ABR: variants seen among roughly 807,000 people sequenced by gnomAD.
ABR encodes the protein ABR activator of RhoGEF and GTPase.
ABR carries 35 observed loss-of-function variants against 107.2 expected under a neutral mutation model. The observed-to-expected ratio is 0.33, with a 90% CI of 0.25 to 0.43. The LOEUF is 0.43. Ranked by LOEUF, ABR falls within the 20% of genes least tolerant of loss-of-function variation. The pLI, the probability that ABR is intolerant of heterozygous loss-of-function variation, is 1.00. For missense variants in ABR, 815 were observed against 1,115.2 expected (o/e 0.73, Z 3.83); for synonymous variants, 498 against 462.0 (o/e 1.08, Z -1.00).
At chr17:1,118,042 A>G (rs2039119172) in intron 2 of ABR, among the ~76,000 whole-genome samples, 1 of 41,556 alleles carries the variant, frequency 2.4e-5, no homozygotes, top group Non-Finnish European at 5.1e-5. Flanking sequence ...GCTGAGCCTG[A>G]GTTCCTCCCA....
intron 10 of ABR, among the ~76,000 whole-genome samples, chr17:1,062,992 T>C: frequency 6.9e-6 from 1 of 144,458 alleles, no homozygotes; most frequent in East Asian, 2.0e-4. Flanking sequence ...TGCATGTTCC[T>C]CTAGACACTG....
At chr17:1,113,792 G>C (rs1427986975) in intron 2 of ABR, among the ~76,000 whole-genome samples, 2 of 152,178 alleles carry the variant, frequency 1.3e-5, no homozygotes, top group Non-Finnish European at 2.9e-5. Context: ...TAAAGAAAGA[G>C]AAAGTCTCCT....
intron 6 of ABR, 75 bp from the exon 7 acceptor site, chr17:1,073,752 G>A (rs910107000): frequency 5.9e-6 from 8 of 1,360,420 alleles, no homozygotes; most frequent in African/African-American, 2.9e-5. Context: ...GACCAGCTTC[G>A]TCCCCCCACC....
At chr17:1,193,055 AAAAAC>A (rs370968230) in intron 1 of ABR, among the ~76,000 whole-genome samples, 1 of 152,324 alleles carries the variant, frequency 6.6e-6, no homozygotes, top group African/African-American at 2.4e-5. Flanking sequence ...TCTCAAAACA[AAAAAC>A]AAAACAAAAC....
At chr17:1,109,008 A>T (rs1487326517) in intron 2 of ABR, 1 of 1,598,104 alleles carries the variant, frequency 6.3e-7, no homozygotes, top group East Asian at 2.3e-5. Context: ...TCCAGGAGAA[A>T]CACATCTTCG....
intron 1 of ABR, among the ~76,000 whole-genome samples, chr17:1,176,186 C>CAG (rs140627092): frequency 0.06 from 9,168 of 152,200 alleles, 407 homozygotes; most frequent in East Asian, 0.24. Flanking sequence ...TGGGTTCAGA[C>CAG]AGCCTCAGCT....
At chr17:1,171,879 G>A (rs1473955699) in intron 1 of ABR, among the ~76,000 whole-genome samples, 7 of 152,126 alleles carry the variant, frequency 4.6e-5, no homozygotes, top group East Asian at 3.9e-4. Context: ...GCAGTGAGCC[G>A]AGATCGCACC....
chr17:1,192,175 CTA>C (rs2042450372), upstream of ABR, among the ~76,000 whole-genome samples: 1 of 149,486 alleles, frequency 6.7e-6, no homozygotes, highest in Non-Finnish European at 1.5e-5. Context: ...CAGAGTCTCA[CTA>C]TGTTACCCAG....
chr17:1,019,846 G>T (rs1184497868), intron 16 of ABR, among the ~76,000 whole-genome samples: 1 of 152,232 alleles, frequency 6.6e-6, no homozygotes, highest in Non-Finnish European at 1.5e-5. Flanking sequence ...ATGGGCCCAG[G>T]GGAGCAGGTA....
chr17:1,182,312 G>A (rs1008999945), upstream of ABR: 8 of 152,184 alleles, frequency 5.3e-5, no homozygotes, highest in African/African-American at 1.9e-4. Context: ...CACTCAGAGG[G>A]TAAGTGAGGG....
chr17:1,048,632 C>G (rs1205833972), intron 16 of ABR, among the ~76,000 whole-genome samples: 1 of 127,488 alleles, frequency 7.8e-6, no homozygotes, highest in Non-Finnish European at 1.7e-5. Flanking sequence ...GCGCCTGGAT[C>G]ACGTCCGGGG....
chr17:1,205,619 G>A (rs1400211632), intron 1 of ABR, among the ~76,000 whole-genome samples: 1 of 152,134 alleles, frequency 6.6e-6, no homozygotes, highest in Non-Finnish European at 1.5e-5. Flanking sequence ...AGACCAGCCT[G>A]GACAACATAG....
chr17:1,023,152 C>T (rs12946686), intron 16 of ABR, among the ~76,000 whole-genome samples: 1 of 142,356 alleles, frequency 7.0e-6, no homozygotes, highest in African/African-American at 3.0e-5. Flanking sequence ...TCCACTCCAG[C>T]GCCTCTGCCG....
At chr17:1,017,949 G>A (rs2071291091) in intron 16 of ABR, among the ~76,000 whole-genome samples, 1 of 151,952 alleles carries the variant, frequency 6.6e-6, no homozygotes, top group South Asian at 2.1e-4. Flanking sequence ...CGTCCAGGCT[G>A]CTATGTTGCC....
At position 1,179,256 on chromosome 17, in the gene ABR, G is replaced by C. The variant is rs1169010273; in HGVS notation, c.61+411C>G. ...ACGACTGCTCCCAAAACGGCCTTTCGGCTTCAGCCTGGACAGAGAAGCTGC... is the reference window on the plus strand; with the variant it reads ...ACGACTGCTCCCAAAACGGCCTTTCCGCTTCAGCCTGGACAGAGAAGCTGC... On this transcript the variant is annotated intron_variant, in intron 1 of 22. Coordinates refer to ENST00000302538, the MANE Select transcript of ABR (RefSeq NM_021962.5). This position sits in a 1 kb window ranked among gnomAD's most constrained non-coding sequence, Gnocchi z 4.9. Among the ~76,000 whole-genome samples, 3 of 151,900 alleles carry C rather than the reference G, an allele frequency of 2.0e-5. No homozygotes were observed. Among genetic ancestry groups the C allele is most frequent in the Non-Finnish European group, 4.4e-5 (3 of 67,954 alleles).
intron 18 of ABR, chr17:1,012,250 C>T (rs772927742): frequency 3.6e-5 from 24 of 667,174 alleles, no homozygotes; most frequent in Middle Eastern, 4.8e-4. Context: ...AGGGAAAGAA[C>T]GTCCCCCAGA....
chr17:1,073,401 G>T (rs1417101110), intron 7 of ABR, among the ~76,000 whole-genome samples: 1 of 152,140 alleles, frequency 6.6e-6, no homozygotes, highest in African/African-American at 2.4e-5. Context: ...AGGAATGCCT[G>T]CCTCCCCGGG....
chr17:1,034,619 C>G (rs2073031731), intron 16 of ABR, among the ~76,000 whole-genome samples: 1 of 151,966 alleles, frequency 6.6e-6, no homozygotes, highest in Non-Finnish European at 1.5e-5. Context: ...TAGGGAAAGG[C>G]CATCCACCCT....
intron 1 of ABR, among the ~76,000 whole-genome samples, chr17:1,224,135 C>T (rs1391752773): frequency 2.6e-5 from 4 of 151,932 alleles, no homozygotes; most frequent in Non-Finnish European, 4.4e-5. Context: ...TGGTCTCACA[C>T]CTGGGGAGAG....
Sources: gnomAD v4.1 joint callset for allele counts (sites outside exome capture counted in the v4.1 genomes callset) on GRCh38, gnomAD v4.1.1 for gene constraint, Gnocchi (gnomAD v3.1) non-coding constraint, MANE v1.5 for transcripts, NCBI Gene and HGNC (gene_info 2026-07-23, HGNC 2026-07-21) for gene names.